The following SAMD12 variants were observed in gnomAD, a reference collection of about 807,000 sequenced individuals.
SAMD12 encodes sterile alpha motif domain containing 12, also known as sterile alpha motif domain-containing protein 12.
A neutral mutation model predicts 15.0 loss-of-function variants in SAMD12; 9 were observed. That is an observed-to-expected ratio of 0.60 (90% confidence interval 0.36 to 1.05). The LOEUF is 1.05. Among genes scored for constraint, SAMD12 ranks in the 50% least tolerant of loss-of-function variants. SAMD12 has a pLI of 0.01. For missense variants in SAMD12, 230 were observed against 234.2 expected, an observed-to-expected ratio of 0.98 and a Z score of 0.12; for synonymous variants, 86 against 90.1, an observed-to-expected ratio of 0.96 and a Z score of 0.25.
At chr8:118,412,285 C>T (rs572783470) in intron 3 of SAMD12, among the ~76,000 whole-genome samples, 10 of 152,230 alleles carry the variant, frequency 6.6e-5, no homozygotes, top group South Asian at 6.2e-4. Context: ...AGGAACTATA[C>T]CTAAGGAATG....
chr8:118,184,906 T>C (rs1047525852), downstream of SAMD12, among the ~76,000 whole-genome samples: 3 of 142,362 alleles, frequency 2.1e-5, no homozygotes, highest in African/African-American at 5.2e-5. Context: ...ATTTGTTCTT[T>C]TTTTTTTTTT....
chr8:118,197,721 C>G, exon 5 of SAMD12: 3 of 1,613,498 alleles, frequency 1.9e-6, no homozygotes, highest in Non-Finnish European at 2.5e-6. Context: ...TATGGAGAAC[C>G]CTCAGATGAT....
intron 2 of SAMD12, among the ~76,000 whole-genome samples, chr8:118,570,980 T>C (rs895454883): frequency 3.9e-5 from 6 of 152,216 alleles, no homozygotes; most frequent in African/African-American, 1.2e-4. Flanking sequence ...TCCGCCATTA[T>C]TGTGAGGCTT....
intron 2 of SAMD12, among the ~76,000 whole-genome samples, chr8:118,531,094 T>C (rs1273488172): frequency 6.6e-6 from 1 of 152,228 alleles, no homozygotes; most frequent in Non-Finnish European, 1.5e-5. Context: ...CCATCTTGAA[T>C]TGATTTTTGT....
At chr8:118,514,999 G>A (rs1230853818) in intron 2 of SAMD12, among the ~76,000 whole-genome samples, 3 of 91,056 alleles carry the variant, frequency 3.3e-5, no homozygotes, top group Non-Finnish European at 6.3e-5. Context: ...CTGTTTAAAA[G>A]TTTTGTTTGT....
the SAMD12 span, among the ~76,000 whole-genome samples, chr8:118,183,356 A>G: frequency 3.3e-5 from 5 of 152,218 alleles, no homozygotes; most frequent in Admixed American, 6.5e-5. Flanking sequence ...AATTTCTTGA[A>G]TCCACTGAAA....
chr8:118,353,928 G>A (rs1818095062), intron 4 of SAMD12, among the ~76,000 whole-genome samples: 1 of 152,094 alleles, frequency 6.6e-6, no homozygotes, highest in African/African-American at 2.4e-5. Context: ...TTTTGGCATT[G>A]GCTGCCCTGC....
chr8:118,408,491 T>G (rs1474301027), intron 3 of SAMD12, among the ~76,000 whole-genome samples: 2 of 152,176 alleles, frequency 1.3e-5, no homozygotes, highest in Admixed American at 6.5e-5. Flanking sequence ...GTGGACAGAA[T>G]AGTCAAGTTT....
intron 4 of SAMD12, among the ~76,000 whole-genome samples, chr8:118,311,371 G>A (rs1035842039): frequency 1.3e-5 from 2 of 152,198 alleles, no homozygotes; most frequent in African/African-American, 4.8e-5. Flanking sequence ...ACACAGCCAA[G>A]CACATATTCA....
At chr8:118,415,336 C>T (rs1821628241) in intron 3 of SAMD12, among the ~76,000 whole-genome samples, 1 of 152,104 alleles carries the variant, frequency 6.6e-6, no homozygotes, top group African/African-American at 2.4e-5. Flanking sequence ...AAATAAGACA[C>T]AAATAATGAA....
intron 2 of SAMD12, among the ~76,000 whole-genome samples, chr8:118,447,665 A>T (rs1822954425): frequency 6.6e-6 from 1 of 150,678 alleles, no homozygotes; most frequent in Non-Finnish European, 1.5e-5. Flanking sequence ...CAGCTCTTTG[A>T]TGTCATCTTT....
chr8:118,173,013 T>C, the SAMD12 span, among the ~76,000 whole-genome samples: 1 of 152,226 alleles, frequency 6.6e-6, no homozygotes, highest in Non-Finnish European at 1.5e-5. Flanking sequence ...CTTTGATGAC[T>C]GGCTTATTTC....
intron 2 of SAMD12, among the ~76,000 whole-genome samples, chr8:118,478,704 T>C (rs957960623): frequency 6.6e-6 from 1 of 152,186 alleles, no homozygotes; most frequent in Non-Finnish European, 1.5e-5. Context: ...TGCCTCTCTA[T>C]GTCAGTTATG....
chr8:118,276,229 T>C (rs1479062874), intron 4 of SAMD12, among the ~76,000 whole-genome samples: 1 of 152,242 alleles, frequency 6.6e-6, no homozygotes, highest in African/African-American at 2.4e-5. Flanking sequence ...TCCTACTATA[T>C]TTTAGAATTG....
intron 2 of SAMD12, among the ~76,000 whole-genome samples, chr8:118,550,451 T>G (rs1439927200): frequency 6.6e-6 from 1 of 152,024 alleles, no homozygotes; most frequent in Non-Finnish European, 1.5e-5. Flanking sequence ...GAAGGAGAAA[T>G]AAAATACTTT....
chr8:118,374,274 C>T (rs764325795), downstream of SAMD12, among the ~76,000 whole-genome samples: 4 of 152,004 alleles, frequency 2.6e-5, no homozygotes, highest in African/African-American at 9.7e-5. Flanking sequence ...TTGTTTAGCA[C>T]GATGTCTTTG....
intron 2 of SAMD12, among the ~76,000 whole-genome samples, chr8:118,483,631 C>T (rs1277976486): frequency 6.6e-6 from 1 of 152,054 alleles, no homozygotes; most frequent in Non-Finnish European, 1.5e-5. Flanking sequence ...AACAAATTTC[C>T]TAAATGCCTA....
At chr8:118,329,910 G>A (rs1405015429) in intron 4 of SAMD12, among the ~76,000 whole-genome samples, 1 of 151,992 alleles carries the variant, frequency 6.6e-6, no homozygotes, top group Non-Finnish European at 1.5e-5. Flanking sequence ...TATGGGAGAG[G>A]TTCATATTAA....
intron 2 of SAMD12, among the ~76,000 whole-genome samples, chr8:118,444,105 T>C (rs1337773948): frequency 1.3e-5 from 2 of 152,144 alleles, no homozygotes; most frequent in Non-Finnish European, 2.9e-5. Context: ...CTTCCCGCAG[T>C]AGGGGCCTAA....
Sources: gnomAD v4.1 joint callset for allele counts (sites outside exome capture counted in the v4.1 genomes callset) on GRCh38, gnomAD v4.1.1 for gene constraint, MANE v1.5 for transcripts, NCBI Gene and HGNC (gene_info 2026-07-23, HGNC 2026-07-21) for gene names.